Variants in ATP10D observed in about 807,000 individuals in gnomAD.
ATP10D encodes the protein phospholipid-transporting ATPase VD.
A neutral mutation model predicts 144.8 loss-of-function variants in ATP10D; 89 were observed. That is an observed-to-expected ratio of 0.61 (90% CI 0.52 to 0.73). ATP10D has a LOEUF of 0.73. Among genes scored for constraint, ATP10D ranks in the 30% least tolerant of loss-of-function variants. The probability of loss-of-function intolerance (pLI) is 0.00; values close to 1 mark genes in which losing one functional copy is unlikely to be tolerated. For missense variants in ATP10D, 1,603 were observed against 1,714.8 expected, an observed-to-expected ratio of 0.93 and a Z score of 1.15; for synonymous variants, 571 against 615.1, an observed-to-expected ratio of 0.93 and a Z score of 1.06.
chr4:47,489,782 A>G (rs1166920185), intron 1 of ATP10D, among the ~76,000 whole-genome samples: 2 of 152,100 alleles, frequency 1.3e-5, no homozygotes, highest in African/African-American at 2.4e-5. Flanking sequence ...GCCTCCACCT[A>G]TTTTCTAAAA....
At chr4:47,552,824 G>A (rs1003611087) in intron 10 of ATP10D, among the ~76,000 whole-genome samples, 1 of 152,086 alleles carries the variant, frequency 6.6e-6, no homozygotes, top group African/African-American at 2.4e-5. Context: ...AGTCCCAAAT[G>A]TCTTCTATAA....
chr4:47,497,270 A>C (rs1027744491), intron 1 of ATP10D, among the ~76,000 whole-genome samples: 3 of 152,106 alleles, frequency 2.0e-5, no homozygotes, highest in African/African-American at 4.8e-5. Context: ...AGCCTGACCA[A>C]CGTGGAGAAA....
chr4:47,504,604 C>G (rs1262849997), intron 1 of ATP10D, among the ~76,000 whole-genome samples: 2 of 151,984 alleles, frequency 1.3e-5, no homozygotes, highest in East Asian at 3.9e-4. Flanking sequence ...ACTCTGTGGC[C>G]CAGGCTGGAG....
At chr4:47,563,157 C>T (rs1010957402) in intron 14 of ATP10D, among the ~76,000 whole-genome samples, 2 of 152,038 alleles carry the variant, frequency 1.3e-5, no homozygotes, top group African/African-American at 2.4e-5. Flanking sequence ...CACTGAGAGC[C>T]CAGATTTCAC....
At position 47,557,783 on chromosome 4, in the gene ATP10D, A is replaced by T. The variant is rs748589815; in HGVS notation, c.1944A>T (p.Pro648=). 6.2e-7 allele frequency: 1 copy of T among 1,614,206 alleles called. No homozygotes were observed. The highest frequency in any genetic ancestry group is 8.5e-7 in the Non-Finnish European group (1 of 1,180,040). ...CATCGCTTAACAGTGGGAAAGAGCC[A>T]TCTTCTGGAGTTCCAAACGCCTTTG... ...SSPSLNSGKE[P]SSGVPNAFVS... Residue 648 remains proline, a synonymous_variant, in exon 12 of 23, where the codon CCA becomes CCT. Transcript: ENST00000273859.
At chr4:47,589,070 T>C (rs1334735258) in intron 22 of ATP10D, among the ~76,000 whole-genome samples, 1 of 151,900 alleles carries the variant, frequency 6.6e-6, no homozygotes, top group African/African-American at 2.4e-5. Context: ...CAGAGGGAGA[T>C]TTGACACAGA....
chr4:47,560,737 G>C (rs764199903), intron 13 of ATP10D, among the ~76,000 whole-genome samples: 1 of 152,086 alleles, frequency 6.6e-6, no homozygotes, highest in South Asian at 2.1e-4. Context: ...TGAGTTAAAG[G>C]GTCATCCATC....
At chr4:47,490,835 A>G (rs1715030722) in intron 1 of ATP10D, 3 of 342,120 alleles carry the variant, frequency 8.8e-6, no homozygotes, top group South Asian at 5.6e-5. Flanking sequence ...GTAATTGGCA[A>G]ACTGTCTTGT....
intron 2 of ATP10D, among the ~76,000 whole-genome samples, chr4:47,515,177 T>C (rs1274715236): frequency 1.3e-5 from 2 of 152,032 alleles, no homozygotes; most frequent in Non-Finnish European, 2.9e-5. Flanking sequence ...CCCAGGCTAG[T>C]CTCGAACTCC....
intron 9 of ATP10D, among the ~76,000 whole-genome samples, chr4:47,541,224 G>C (rs1718118658): frequency 1.3e-5 from 2 of 151,192 alleles, no homozygotes; most frequent in Admixed American, 1.3e-4. Context: ...TGTTGTTACT[G>C]TTGTTGTTGT....
intron 1 of ATP10D, among the ~76,000 whole-genome samples, chr4:47,510,500 T>C (rs369207334): frequency 1.3e-5 from 2 of 152,350 alleles, no homozygotes; most frequent in African/African-American, 4.8e-5. Flanking sequence ...GAAATACTTT[T>C]GCAATGAAAT....
In ATP10D at chr4:47,512,790, C is replaced by T. The variant is rs377164515; in HGVS notation, c.250C>T (p.Leu84=). ...AATACGAACAACAAAGTACACACTT[C>T]TGAATTTTGTGCCAAGAAATTTATT... is the stretch of plus-strand genomic sequence containing the variant. ...NRIRTTKYTL[L]NFVPRNLFEQ... is the part of the protein sequence containing the mutation. Residue 84 remains leucine, a synonymous_variant, in exon 2 of 23, where the codon CTG becomes TTG. Transcript: ENST00000273859. 20 of 1,604,148 alleles carry T rather than the reference C, an allele frequency of 1.2e-5. No homozygotes were observed. The highest frequency in any genetic ancestry group is 1.5e-5 in the Non-Finnish European group (18 of 1,172,030).
In ATP10D at chr4:47,515,678, T is replaced by C; in HGVS notation, c.485+8T>C. On this transcript the variant is annotated splice_region_variant and intron_variant, in intron 3 of 22. Transcript: ENST00000273859. The stretch of plus-strand genomic sequence containing the variant: ...AACTAAAGTTTATAGTAGGTAAGTG[T>C]AATGGGACCTTTGCTAAGGACTATG... 2 of 1,567,894 alleles carry C rather than the reference T, an allele frequency of 1.3e-6. No individual in the cohort carries two copies. Among genetic ancestry groups the C allele is most frequent in the Non-Finnish European group, 1.8e-6 (2 of 1,140,018 alleles).
chr4:47,572,324 C>A, intron 17 of ATP10D, 94 bp downstream of exon 17: 2 of 1,120,890 alleles, frequency 1.8e-6, no homozygotes, highest in Non-Finnish European at 2.7e-6. Context: ...CAGAGTGAGG[C>A]TGTGTGTGGC....
intron 3 of ATP10D, among the ~76,000 whole-genome samples, chr4:47,520,512 A>C (rs2109407645): frequency 6.6e-6 from 1 of 151,710 alleles, no homozygotes; most frequent in African/African-American, 2.4e-5. Flanking sequence ...TTCACCCCTT[A>C]TTCTTTTCAT....
intron 22 of ATP10D, 83 bp from the exon 23 acceptor site, chr4:47,590,955 CTTTT>C: frequency 9.5e-7 from 1 of 1,055,570 alleles, no homozygotes; most frequent in South Asian, 1.9e-5. Context: ...GACCCTTTTA[CTTTT>C]TTAATTCGTT....
At position 47,558,175 on chromosome 4, in the gene ATP10D, TG is replaced by T; in HGVS notation, c.2337del (p.Met779IlefsTer23). On this transcript the variant is annotated frameshift_variant, in exon 12 of 23. Transcript: ENST00000273859. LOFTEE classifies it high-confidence loss of function. Reference sequence around the variant, plus strand: ...CCCTTTGACTCAGTAAGAAAAAGAATGTCTGTTGTGGTCCGACACCCTCTTT... The same window carrying T: ...CCCTTTGACTCAGTAAGAAAAAGAATTCTGTTGTGGTCCGACACCCTCTTT... The part of the protein sequence containing the change: ...ILPFDSVRKR[M>X]SVVVRHPLSN... 1.2e-6 allele frequency: 2 copies of T among 1,614,178 alleles called. No individual in the cohort carries two copies. The highest frequency in any genetic ancestry group is 1.1e-5 in the South Asian group (1 of 91,080).
chr4:47,566,297 A>G (rs1339994321), intron 15 of ATP10D, among the ~76,000 whole-genome samples: 2 of 152,218 alleles, frequency 1.3e-5, no homozygotes, highest in Non-Finnish European at 2.9e-5. Flanking sequence ...CATTTGTTTT[A>G]ATATAGTCAT....
intron 15 of ATP10D, among the ~76,000 whole-genome samples, 194 bp from the exon 16 acceptor site, chr4:47,568,643 C>G (rs1450665114): frequency 1.3e-5 from 2 of 152,074 alleles, no homozygotes; most frequent in African/African-American, 4.8e-5. Flanking sequence ...GAGATGTTCC[C>G]CCTCCTTTTA....
Sources: allele counts gnomAD v4.1 joint callset (sites outside exome capture counted in the v4.1 genomes callset), GRCh38; gene constraint gnomAD v4.1.1; transcripts MANE v1.5; gene names NCBI Gene and HGNC (gene_info 2026-07-23, HGNC 2026-07-21).